Variants in SLC26A6 observed in about 807,000 individuals in gnomAD.
The protein encoded by SLC26A6 is anion exchange transporter.
SLC26A6 carries 67 observed loss-of-function variants against 87.1 expected under a neutral mutation model. The observed-to-expected ratio is 0.77, with a 90% CI of 0.63 to 0.94. The LOEUF (loss-of-function observed/expected upper bound fraction) is 0.94. Among genes scored for constraint, SLC26A6 ranks in the 40% least tolerant of loss-of-function variants. SLC26A6 has a pLI of 0.00. For missense variants in SLC26A6, 902 were observed against 973.0 expected (o/e 0.93, Z 0.97); for synonymous variants, 414 against 405.9 (o/e 1.02, Z -0.24).
chr3:48,626,175 T>C, intron 20 of SLC26A6, 43 bp downstream of exon 20: 8 of 1,613,018 alleles, frequency 5.0e-6, no homozygotes, highest in Non-Finnish European at 6.8e-6. Context: ...GGACAAGCAA[T>C]AGATTAACAA....
In SLC26A6 at chr3:48,631,140, C is replaced by T. The variant is rs374113446; in HGVS notation, c.987G>A (p.Gly329=). The T allele has an allele frequency of 1.2e-6, 2 of 1,613,686 alleles. No individual in the cohort carries two copies. Among genetic ancestry groups the T allele is most frequent in the African/African-American group, 2.7e-5 (2 of 75,060 alleles). Reference sequence around the variant, plus strand: ...TGTTGGGGGCCACTGGGGGCACCAGCCTGTGAGAGGTATCTGTGAGGCCAA... The same window carrying T: ...TGTTGGGGGCCACTGGGGGCACCAGTCTGTGAGAGGTATCTGTGAGGCCAA... ...EVDVVGNIPA[G]LVPPVAPNTQ... Residue 329 remains glycine (G), a splice_region_variant and synonymous_variant, in exon 9 of 21, where the codon GGG becomes GGA. Transcript: ENST00000395550.
At chr3:48,630,041 C>G in intron 12 of SLC26A6, 21 bp downstream of exon 12, 1 of 1,613,804 alleles carries the variant, frequency 6.2e-7, no homozygotes. Flanking sequence ...AGTCCCTGCC[C>G]TGGGCTCCCA....
intron 14 of SLC26A6, 107 bp downstream of exon 14, chr3:48,629,535 G>T: frequency 7.9e-7 from 1 of 1,261,486 alleles, no homozygotes. Flanking sequence ...CAAAGCCAAA[G>T]TATCCTCAGC....
chr3:48,627,000 G>A lies in SLC26A6; in HGVS notation c.1949C>T (p.Ser650Phe). Residue 650 changes from serine to phenylalanine, a missense_variant, in exon 18 of 21, where the codon TCC becomes TTC. Physicochemically the swap from Ser to Phe is radical, Grantham distance 155. Coordinates refer to ENST00000395550, the MANE Select transcript of SLC26A6 (RefSeq NM_022911.3). ...EDATANGQED[S>F]KAPDGSTLKA... Reference sequence around the variant, plus strand: ...CAGTGTGGACCCATCTGGGGCCTTGGAGTCTTCTTGACCATTGGCTGTTGC... The same window carrying A: ...CAGTGTGGACCCATCTGGGGCCTTGAAGTCTTCTTGACCATTGGCTGTTGC... 2 of 1,614,230 alleles carry A rather than the reference G, an allele frequency of 1.2e-6. No individual in the cohort carries two copies. The highest frequency in any genetic ancestry group is 1.7e-6 in the Non-Finnish European group (2 of 1,180,044).
At chr3:48,633,943 A>C in intron 1 of SLC26A6, 1 of 1,149,870 alleles carries the variant, frequency 8.7e-7, no homozygotes. Flanking sequence ...CTACCAGTCC[A>C]GGTCCCAGGC....
At chr3:48,631,329 G>A in intron 7 of SLC26A6, 23 bp from the exon 8 acceptor site, 1 of 1,546,632 alleles carries the variant, frequency 6.5e-7, no homozygotes, top group Non-Finnish European at 8.7e-7. Context: ...ACAGAGTCAG[G>A]GAGGCAGGTG....
chr3:48,631,584 C>G lies in SLC26A6; in HGVS notation c.903+65G>C, dbSNP rs536883771. On this transcript the variant is annotated intron_variant, in intron 7 of 20. Coordinates refer to ENST00000395550, the MANE Select transcript of SLC26A6 (RefSeq NM_022911.3). The stretch of plus-strand genomic sequence containing the variant: ...CTGGCCCTCAAATACAGGAGGCTGC[C>G]CACGTGGCAAGGACCCAGCCTGACC... The G allele has an allele frequency of 5.1e-4, 801 of 1,569,492 alleles. 5 individuals carry two copies. Among genetic ancestry groups the G allele is most frequent in the Non-Finnish European group, 1.4e-4 (164 of 1,155,954 alleles).
rs551934028 is a variant in SLC26A6 at position 48,627,010 on chromosome 3, G to C, written c.1939C>G (p.Gln647Glu). Residue 647 changes from glutamine (Q) to glutamate (E), a missense_variant, in exon 18 of 21, where the codon CAA (glutamine) becomes GAA (glutamate). Coordinates refer to ENST00000395550, the MANE Select transcript of SLC26A6 (RefSeq NM_022911.3). ...DKMEDATANGQEDSKAPDGST... is the reference protein window; with the variant it reads ...DKMEDATANGEEDSKAPDGST... ...CCATCTGGGGCCTTGGAGTCTTCTT[G>C]ACCATTGGCTGTTGCATCTTCCATC... is the stretch of plus-strand genomic sequence containing the variant. 4 of 1,614,142 alleles carry C rather than the reference G, an allele frequency of 2.5e-6. No individual in the cohort carries two copies. The highest frequency in any genetic ancestry group is 1.3e-5 in the African/African-American group (1 of 75,056).
Position 48,630,732 on chromosome 3 carries a change from C to G in SLC26A6, c.1135-12G>C. 1 of 1,588,022 alleles carries G rather than the reference C, an allele frequency of 6.3e-7. No homozygotes were observed. Among genetic ancestry groups the G allele is most frequent in the South Asian group, 1.1e-5 (1 of 88,274 alleles). On this transcript the variant is annotated splice_polypyrimidine_tract_variant and intron_variant, in intron 9 of 20. Coordinates refer to ENST00000395550, the MANE Select transcript of SLC26A6 (RefSeq NM_022911.3). ...AGGGCCACCAGCTCCTGACGGGGGACAGTACGGGTGTGAGAAGACTTCCTA... is the reference window on the plus strand; with the variant it reads ...AGGGCCACCAGCTCCTGACGGGGGAGAGTACGGGTGTGAGAAGACTTCCTA...
At chr3:48,634,660 G>A in intron 1 of SLC26A6, 3 of 917,946 alleles carry the variant, frequency 3.3e-6, no homozygotes, top group Non-Finnish European at 3.9e-6. Flanking sequence ...GCTTTCACCA[G>A]TCAGGAAAGT....
rs752887362 is a variant in SLC26A6 at position 48,631,264 on chromosome 3, G to T, written c.946C>A (p.His316Asn). 1 of 1,609,382 alleles carries T rather than the reference G, an allele frequency of 6.2e-7. No homozygotes were observed. The highest frequency in any genetic ancestry group is 1.7e-5 in the Admixed American group (1 of 59,758). The change falls in exon 8 of 21, where the codon CAC becomes AAC. Residue 316 changes from histidine (H) to asparagine (N), a missense_variant. Coordinates refer to ENST00000395550, the MANE Select transcript of SLC26A6 (RefSeq NM_022911.3). The part of the protein sequence containing the change: ...TGISYGMGLK[H>N]RFEVDVVGNI... ...CCCACGACATCTACCTCAAATCTGT[G>T]CTTTAGACCCATGCCATAGGAGATG...
intron 14 of SLC26A6, among the ~76,000 whole-genome samples, chr3:48,629,195 T>A (rs1285841704): frequency 6.6e-6 from 1 of 152,064 alleles, no homozygotes; most frequent in East Asian, 1.9e-4. Context: ...ACTGTGCCCA[T>A]GTTGCAGGCA....
At chr3:48,634,802 C>T (rs1232897154) in intron 1 of SLC26A6, 1 of 957,398 alleles carries the variant, frequency 1.0e-6, no homozygotes, top group Non-Finnish European at 1.2e-6. Context: ...TCCTCAGAGA[C>T]TCTTGGGACC....
In SLC26A6 at chr3:48,628,701, C is replaced by G. The variant is rs111328728; in HGVS notation, c.1613G>C (p.Arg538Pro). 137 of 1,613,342 alleles carry G rather than the reference C, an allele frequency of 8.5e-5. No individual in the cohort carries two copies. The African/African-American group carries it at 1.4e-3, about 17-fold the overall frequency. The change falls in exon 15 of 21, where the codon CGG (arginine) becomes CCG (proline). Residue 538 changes from arginine to proline, a missense_variant. By Grantham distance (103) the Arg-to-Pro change is moderately radical (BLOSUM62 -2). Transcript: ENST00000395550. The surrounding 1 kb of genome is among the most constrained non-coding windows in gnomAD (Gnocchi z 4.4). ...CGAGGAGCGGAAGACCTTCACCCCC[C>G]GGACTTCCTTGGCCTGGGGATGAGG... Reference protein sequence around the residue: ...VAEYSEAKEVRGVKVFRSSAT... With the variant: ...VAEYSEAKEVPGVKVFRSSAT...
chr3:48,631,734 G>A lies in SLC26A6; in HGVS notation c.818C>T (p.Ala273Val). 1.2e-6 allele frequency: 2 copies of A among 1,613,542 alleles called. No individual in the cohort carries two copies. Among genetic ancestry groups the A allele is most frequent in the Non-Finnish European group, 1.7e-6 (2 of 1,180,016 alleles). ...KVGTVVTAAV[A>V]GVVLVVVKLL... is the part of the protein sequence containing the mutation. ...CTTCACCACCACGAGCACCACCCCA[G>A]CCACAGCTGCAGTGACCACGGTGCC... Residue 273 changes from alanine to valine, a missense_variant, in exon 7 of 21, where the codon GCT becomes GTT. Physicochemically the swap from Ala to Val is moderately conservative, Grantham distance 64. Transcript: ENST00000395550.
chr3:48,629,130 C>G (rs1465038970), intron 14 of SLC26A6, among the ~76,000 whole-genome samples: 1 of 152,202 alleles, frequency 6.6e-6, no homozygotes, highest in Non-Finnish European at 1.5e-5. Flanking sequence ...GGGCTGCCCC[C>G]TCATCCTCTC....
At chr3:48,626,835 G>A (rs771323960) in intron 18 of SLC26A6, 41 bp downstream of exon 18, 1 of 1,606,754 alleles carries the variant, frequency 6.2e-7, no homozygotes, top group Non-Finnish European at 8.5e-7. Context: ...TACAGGGTCA[G>A]TGTGGAAGCT....
chr3:48,627,198 G>A (rs2046649995), intron 17 of SLC26A6, 143 bp from the exon 18 acceptor site: 3 of 964,780 alleles, frequency 3.1e-6, no homozygotes, highest in Non-Finnish European at 4.6e-6. Context: ...GAGTCACATA[G>A]GTGTGCAAAG....
At position 48,628,695 on chromosome 3, in the gene SLC26A6, A is replaced by ACC; in HGVS notation, c.1617_1618dup (p.Val540GlyfsTer2). ...GGTGGCCGAGGAGCGGAAGACCTTCACCCCCCGGACTTCCTTGGCCTGGGG... is the reference window on the plus strand; with the variant it reads ...GGTGGCCGAGGAGCGGAAGACCTTCACCCCCCCCGGACTTCCTTGGCCTGGGG... On this transcript the variant is annotated frameshift_variant, in exon 15 of 21. Coordinates refer to ENST00000395550, the MANE Select transcript of SLC26A6 (RefSeq NM_022911.3). LOFTEE classifies it high-confidence loss of function. The surrounding 1 kb of genome is among the most constrained non-coding windows in gnomAD (Gnocchi z 4.4). 6.2e-7 allele frequency: 1 copy of ACC among 1,613,160 alleles called. No individual in the cohort carries two copies. Among genetic ancestry groups the ACC allele is most frequent in the Non-Finnish European group, 8.5e-7 (1 of 1,179,756 alleles).
Sources: gnomAD v4.1 joint callset for allele counts (sites outside exome capture counted in the v4.1 genomes callset) on GRCh38, gnomAD v4.1.1 for gene constraint, Gnocchi (gnomAD v3.1) non-coding constraint, MANE v1.5 for transcripts, NCBI Gene and HGNC (gene_info 2026-07-23, HGNC 2026-07-21) for gene names.